UNC13C: variants seen among roughly 807,000 people sequenced by gnomAD.
UNC13C encodes the protein unc-13 homolog C.
Under a neutral mutation model 245.4 loss-of-function variants are expected in UNC13C, and 174 were observed. The ratio of observed to expected loss-of-function variants is 0.71; its 90% CI spans 0.63 to 0.80. The LOEUF (loss-of-function observed/expected upper bound fraction) is 0.80. UNC13C is among the 30% of genes least tolerant of loss of function. The pLI is 0.00. For synonymous variants in UNC13C, 992 were observed against 895.1 expected (o/e 1.11, Z -1.93); for missense variants, 2,829 against 2,602.9 (o/e 1.09, Z -1.89).
At chr15:54,352,865 A>C (rs527789385) in intron 17 of UNC13C, among the ~76,000 whole-genome samples, 30 of 152,176 alleles carry the variant, frequency 2.0e-4, no homozygotes, top group South Asian at 6.2e-4. Context: ...CAATTTTGTT[A>C]CCATTCCTTA....
At chr15:54,591,881 C>T (rs146123376) in intron 30 of UNC13C, among the ~76,000 whole-genome samples, 298 of 151,960 alleles carry the variant, frequency 2.0e-3, no homozygotes, top group African/African-American at 7.0e-3. Context: ...GATGCCTGAC[C>T]TTAGATTGTC....
At position 54,002,814 on chromosome 15, in the gene UNC13C, G is replaced by A. The variant is rs1595698583; in HGVS notation, c.-256-9834G>A. ...AAAAGTCAAATTATTTAAGGACAGA[G>A]TTAGATTGCCCTATCAAAGAATGTT... On this transcript the variant is annotated intron_variant, in intron 1 of 32. Coordinates refer to ENST00000260323, the MANE Select transcript of UNC13C (RefSeq NM_001080534.3). 7.2e-5 allele frequency among the ~76,000 whole-genome samples: 11 copies of A among 152,332 alleles called. No homozygotes were observed. In the South Asian group the frequency reaches 2.3e-3, roughly 32 times the overall value.
intron 23 of UNC13C, among the ~76,000 whole-genome samples, chr15:54,509,167 C>G (rs939306942): frequency 1.3e-5 from 2 of 152,068 alleles, no homozygotes; most frequent in Non-Finnish European, 2.9e-5. Flanking sequence ...CCATTGCACT[C>G]CAGCCTGGCC....
chr15:54,089,771 T>G (rs1899459479), intron 2 of UNC13C, among the ~76,000 whole-genome samples: 1 of 152,078 alleles, frequency 6.6e-6, no homozygotes, highest in Non-Finnish European at 1.5e-5. Flanking sequence ...GGAGAGAAAT[T>G]TTAAAGATAC....
intron 2 of UNC13C, among the ~76,000 whole-genome samples, chr15:54,072,944 C>T (rs929814784): frequency 2.6e-5 from 4 of 151,830 alleles, no homozygotes; most frequent in Admixed American, 6.6e-5. Flanking sequence ...AGGTTTGTTA[C>T]GTAGGTATAC....
intron 4 of UNC13C, among the ~76,000 whole-genome samples, chr15:54,172,709 TATATA>T (rs1283667381): frequency 2.9e-4 from 16 of 54,246 alleles, no homozygotes; most frequent in African/African-American, 2.3e-3. Context: ...CACAGATATA[TATATA>T]TATATATATA....
chr15:54,625,258 T>C (rs1901058398), intron 32 of UNC13C, among the ~76,000 whole-genome samples: 1 of 140,782 alleles, frequency 7.1e-6, no homozygotes, highest in Non-Finnish European at 1.5e-5. Context: ...TTGGCCAAAA[T>C]CTACCGGAAG....
At chr15:54,541,693 T>C (rs1222567622) in intron 26 of UNC13C, among the ~76,000 whole-genome samples, 3 of 152,098 alleles carry the variant, frequency 2.0e-5, no homozygotes, top group Non-Finnish European at 2.9e-5. Flanking sequence ...AATATGGGTA[T>C]ACTAGTAAAT....
the UNC13C span, among the ~76,000 whole-genome samples, chr15:53,892,972 C>T: frequency 0.021 from 3,195 of 152,114 alleles, 116 homozygotes; most frequent in African/African-American, 0.073. Flanking sequence ...TGGAGTTTTC[C>T]GCCTTTTTGA....
intron 4 of UNC13C, among the ~76,000 whole-genome samples, chr15:54,170,387 T>C (rs142978800): frequency 1.1e-4 from 17 of 152,136 alleles, no homozygotes; most frequent in African/African-American, 4.1e-4. Flanking sequence ...AGCTCCACAT[T>C]TGGGAAGACA....
intron 30 of UNC13C, among the ~76,000 whole-genome samples, chr15:54,579,589 C>G (rs1555397780): frequency 2.6e-5 from 4 of 151,924 alleles, no homozygotes; most frequent in Non-Finnish European, 4.4e-5. Context: ...AACCTCGTCT[C>G]TACTAAAAAT....
intron 2 of UNC13C, among the ~76,000 whole-genome samples, chr15:54,044,156 A>G (rs1566970528): frequency 1.3e-5 from 2 of 152,266 alleles, no homozygotes; most frequent in Non-Finnish European, 2.9e-5. Context: ...AACCTTTCAT[A>G]TAAATGGAAT....
chr15:54,543,817 A>G (rs1896358358), intron 26 of UNC13C, among the ~76,000 whole-genome samples: 1 of 151,860 alleles, frequency 6.6e-6, no homozygotes, highest in African/African-American at 2.4e-5. Flanking sequence ...TGTACCAACC[A>G]AAAAAAGCCC....
At chr15:53,885,052 A>G in the UNC13C span, among the ~76,000 whole-genome samples, 1 of 152,252 alleles carries the variant, frequency 6.6e-6, no homozygotes, top group Non-Finnish European at 1.5e-5. Context: ...TCACACAAAG[A>G]GTGGATCTTA....
At chr15:53,963,351 C>A in the UNC13C span, among the ~76,000 whole-genome samples, 2 of 152,166 alleles carry the variant, frequency 1.3e-5, no homozygotes, top group African/African-American at 4.8e-5. Context: ...CAGACTGTCA[C>A]AATGAAATTC....
At chr15:54,344,967 AG>A (rs1454019880) in intron 17 of UNC13C, among the ~76,000 whole-genome samples, 1 of 142,232 alleles carries the variant, frequency 7.0e-6, no homozygotes, top group Non-Finnish European at 1.6e-5. Context: ...TTTTTAAAAA[AG>A]GAAGTCAGAT....
At chr15:54,457,426 C>G (rs1026924494) in intron 19 of UNC13C, among the ~76,000 whole-genome samples, 4 of 152,000 alleles carry the variant, frequency 2.6e-5, no homozygotes, top group African/African-American at 7.2e-5. Flanking sequence ...CTTTCTCTAT[C>G]TTTTGGAATA....
chr15:54,080,021 T>TTTTTTTTTTTTTAA (rs869267481), intron 2 of UNC13C, among the ~76,000 whole-genome samples: 2 of 149,082 alleles, frequency 1.3e-5, no homozygotes, highest in East Asian at 2.0e-4. Flanking sequence ...TTTTTTTTTT[T>TTTTTTTTTTTTTAA]ATCATAAAGT....
At chr15:54,170,961 C>G (rs1027217602) in intron 4 of UNC13C, among the ~76,000 whole-genome samples, 5 of 152,118 alleles carry the variant, frequency 3.3e-5, no homozygotes, top group Non-Finnish European at 5.9e-5. Context: ...TACAAAAGGA[C>G]TATTCACAAA....
Sources: allele counts gnomAD v4.1 joint callset (sites outside exome capture counted in the v4.1 genomes callset), GRCh38; gene constraint gnomAD v4.1.1; transcripts MANE v1.5; gene names NCBI Gene and HGNC (gene_info 2026-07-23, HGNC 2026-07-21).